Variants in PBX3 observed in about 807,000 individuals in gnomAD.
PBX3 encodes the protein pre-B-cell leukemia transcription factor 3.
In PBX3, 14 loss-of-function variants were observed where a neutral mutation model predicts 48.5. That is an observed-to-expected ratio of 0.29 (90% CI 0.19 to 0.45). The LOEUF (loss-of-function observed/expected upper bound fraction) is 0.45. PBX3 is among the 20% of genes least tolerant of loss of function. The probability of loss-of-function intolerance (pLI) is 1.00; values close to 1 mark genes in which losing one functional copy is unlikely to be tolerated. For synonymous variants in PBX3, 210 were observed against 200.3 expected (o/e 1.05, Z -0.41); for missense variants, 386 against 546.7 (o/e 0.71, Z 2.93).
At chr9:125,891,842 T>G (rs1840652290) in intron 2 of PBX3, among the ~76,000 whole-genome samples, 1 of 152,236 alleles carries the variant, frequency 6.6e-6, no homozygotes, top group African/African-American at 2.4e-5. Flanking sequence ...TACTATTATG[T>G]GCATTTCATC....
rs1416536413 is a variant in PBX3 at position 125,889,630 on chromosome 9, G to T, written c.275-26056G>T. ...TGCTTTCTCTAGTTAATATTCCTGT[G>T]TAAGTGTCGCACAAAAGTAAACCCA... On this transcript the variant is annotated intron_variant, in intron 2 of 8. Coordinates refer to ENST00000373489, the MANE Select transcript of PBX3 (RefSeq NM_006195.6). Among the ~76,000 whole-genome samples, 4 of 152,146 alleles carry T rather than the reference G, an allele frequency of 2.6e-5. No individual in the cohort carries two copies. The East Asian group carries it at 7.7e-4, about 29-fold the overall frequency.
chr9:125,843,534 G>A (rs867860867), intron 2 of PBX3, among the ~76,000 whole-genome samples: 1 of 151,970 alleles, frequency 6.6e-6, no homozygotes, highest in Non-Finnish European at 1.5e-5. Flanking sequence ...ACTTTCCACC[G>A]GCTGGATGCA....
chr9:125,923,893 C>A (rs921615356), intron 3 of PBX3, among the ~76,000 whole-genome samples: 1 of 151,964 alleles, frequency 6.6e-6, no homozygotes, highest in Admixed American at 6.6e-5. Flanking sequence ...GAGACAAATT[C>A]TCACTCTGTC....
intron 7 of PBX3, 119 bp from the exon 8 acceptor site, chr9:125,962,893 T>C (rs560482004): frequency 1.1e-5 from 5 of 456,128 alleles, no homozygotes; most frequent in South Asian, 6.5e-5. Context: ...ATTGATAAAT[T>C]TGTCTTTCAT....
chr9:125,778,608 T>TTC (rs1246180321), intron 2 of PBX3, among the ~76,000 whole-genome samples: 5 of 150,206 alleles, frequency 3.3e-5, no homozygotes, highest in Admixed American at 6.6e-5. Context: ...ATCTTTTCTT[T>TTC]TTTTTTTTTT....
chr9:125,904,926 A>G (rs556565122), intron 2 of PBX3, among the ~76,000 whole-genome samples: 1 of 151,918 alleles, frequency 6.6e-6, no homozygotes, highest in Non-Finnish European at 1.5e-5. Context: ...TCCATCCTCT[A>G]AATTCCTTTT....
At chr9:125,818,180 C>T (rs1421885277) in intron 2 of PBX3, among the ~76,000 whole-genome samples, 1 of 77,104 alleles carries the variant, frequency 1.3e-5, no homozygotes, top group Non-Finnish European at 2.7e-5. Context: ...GCCTGGGTGA[C>T]AGAGCAAGCC....
At chr9:125,887,265 G>A (rs1336060828) in intron 2 of PBX3, among the ~76,000 whole-genome samples, 2 of 152,248 alleles carry the variant, frequency 1.3e-5, no homozygotes, top group South Asian at 2.1e-4. Context: ...AGTGTGCTCT[G>A]TAGTAATTGC....
chr9:125,826,838 A>T (rs1000666659), intron 2 of PBX3, among the ~76,000 whole-genome samples: 3 of 152,164 alleles, frequency 2.0e-5, no homozygotes, highest in Non-Finnish European at 4.4e-5. Context: ...TATTTAAGGT[A>T]TCCATCACCT....
chr9:125,796,358 A>T (rs1343977910), intron 2 of PBX3, among the ~76,000 whole-genome samples: 7 of 152,162 alleles, frequency 4.6e-5, no homozygotes, highest in Non-Finnish European at 8.8e-5. Context: ...ACTAAGTGGG[A>T]TGGTTTACTA....
At chr9:125,768,239 T>TGA (rs1296709358) in intron 2 of PBX3, among the ~76,000 whole-genome samples, 3 of 152,214 alleles carry the variant, frequency 2.0e-5, no homozygotes, top group African/African-American at 7.2e-5. Flanking sequence ...ATGCCATCCT[T>TGA]GTGTATATAA....
chr9:125,958,603 G>C (rs1824867541), intron 5 of PBX3, among the ~76,000 whole-genome samples: 1 of 152,246 alleles, frequency 6.6e-6, no homozygotes, highest in South Asian at 2.1e-4. Context: ...TTGTGAGGTA[G>C]TGAGTACCAC....
intron 2 of PBX3, among the ~76,000 whole-genome samples, chr9:125,886,624 C>T (rs1020247954): frequency 3.3e-5 from 5 of 152,034 alleles, no homozygotes; most frequent in Admixed American, 1.3e-4. Context: ...AGCAGCAGAA[C>T]GGAAAAAACC....
intron 2 of PBX3, among the ~76,000 whole-genome samples, chr9:125,827,229 G>C (rs549497271): frequency 6.6e-6 from 1 of 152,244 alleles, no homozygotes; most frequent in African/African-American, 2.4e-5. Context: ...CCCATGTAGG[G>C]TATATGGACT....
At chr9:125,867,437 C>G (rs1207837060) in intron 2 of PBX3, among the ~76,000 whole-genome samples, 1 of 151,766 alleles carries the variant, frequency 6.6e-6, no homozygotes, top group Non-Finnish European at 1.5e-5. Context: ...GTCAGGAGTT[C>G]GAGACCAGCC....
At chr9:125,811,738 A>G (rs575657624) in intron 2 of PBX3, among the ~76,000 whole-genome samples, 18 of 152,246 alleles carry the variant, frequency 1.2e-4, no homozygotes, top group African/African-American at 3.4e-4. Context: ...GCAGATGTCT[A>G]CCTTCCTGCT....
chr9:125,770,807 A>G (rs1836921918), intron 2 of PBX3, among the ~76,000 whole-genome samples: 1 of 152,246 alleles, frequency 6.6e-6, no homozygotes, highest in Admixed American at 6.5e-5. Context: ...CTACTGACAA[A>G]AAAAGAACCA....
intron 2 of PBX3, among the ~76,000 whole-genome samples, chr9:125,773,038 T>C (rs1158551688): frequency 6.6e-6 from 1 of 152,240 alleles, no homozygotes; most frequent in Non-Finnish European, 1.5e-5. Flanking sequence ...GCTTCAGTTC[T>C]GTGCGAGGGT....
chr9:125,791,077 G>A (rs879697183), intron 2 of PBX3, among the ~76,000 whole-genome samples: 4 of 152,036 alleles, frequency 2.6e-5, no homozygotes, highest in Non-Finnish European at 2.9e-5. Context: ...ACTACGCCTG[G>A]CTAATTTTTG....
Sources: gnomAD v4.1 joint callset for allele counts (sites outside exome capture counted in the v4.1 genomes callset) on GRCh38, gnomAD v4.1.1 for gene constraint, MANE v1.5 for transcripts, NCBI Gene and HGNC (gene_info 2026-07-23, HGNC 2026-07-21) for gene names.